Variants in C8orf34 observed in about 807,000 individuals in gnomAD.
C8orf34 encodes the protein uncharacterized protein C8orf34.
A neutral mutation model predicts 68.3 loss-of-function variants in C8orf34; 65 were observed. The observed-to-expected ratio is 0.95, with a 90% CI of 0.78 to 1.17. The LOEUF (loss-of-function observed/expected upper bound fraction) is 1.17, where lower values mean the gene tolerates loss of function less well. C8orf34 is among the 50% of genes most tolerant of loss of function. The probability of loss-of-function intolerance (pLI) is 0.00; values close to 1 mark genes in which losing one functional copy is unlikely to be tolerated. For missense variants in C8orf34, 664 were observed against 655.4 expected (o/e 1.01, Z -0.14); for synonymous variants, 244 against 241.2 (o/e 1.01, Z -0.11).
chr8:68,783,719 C>T (rs1423525389), intron 11 of C8orf34, among the ~76,000 whole-genome samples: 1 of 151,980 alleles, frequency 6.6e-6, no homozygotes, highest in African/African-American at 2.4e-5. Flanking sequence ...ATTGATGTCT[C>T]ATGTCTCCCT....
In C8orf34 at chr8:68,756,365, G is replaced by A. The variant is rs1022048540; in HGVS notation, c.1405-20034G>A. On this transcript the variant is annotated intron_variant, in intron 10 of 13. Coordinates refer to ENST00000518698, the MANE Select transcript of C8orf34 (RefSeq NM_052958.4). ...CTATTTTGAAAAGTGTAACTCTACT[G>A]AACTTCTGGCCTATGATTCTAGAAA... Among the ~76,000 whole-genome samples the A allele has an allele frequency of 7.2e-5, 11 of 152,114 alleles. No homozygotes were observed. The East Asian group carries it at 1.9e-3, about 27-fold the overall frequency.
chr8:68,757,432 C>T (rs2129527854), intron 10 of C8orf34, among the ~76,000 whole-genome samples: 1 of 152,186 alleles, frequency 6.6e-6, no homozygotes, highest in African/African-American at 2.4e-5. Flanking sequence ...GAGTTCAAGA[C>T]CAGCCAGGCC....
At chr8:68,814,336 T>G (rs942973785) in intron 12 of C8orf34, among the ~76,000 whole-genome samples, 29 of 152,152 alleles carry the variant, frequency 1.9e-4, no homozygotes, top group African/African-American at 7.0e-4. Context: ...ACTCTAAAAT[T>G]TAAGAACTAC....
At chr8:68,383,518 G>C (rs552838197) in intron 1 of C8orf34, among the ~76,000 whole-genome samples, 22 of 152,282 alleles carry the variant, frequency 1.4e-4, no homozygotes, top group African/African-American at 5.3e-4. Context: ...CAAGGTCCCT[G>C]CTGGGAGAAA....
intron 10 of C8orf34, among the ~76,000 whole-genome samples, chr8:68,753,093 G>A (rs1822753935): frequency 6.6e-6 from 1 of 152,036 alleles, no homozygotes. Context: ...TTTTGTCCTT[G>A]AAGGAAAGCT....
chr8:68,416,338 T>G (rs920259409), intron 1 of C8orf34, among the ~76,000 whole-genome samples: 2 of 152,194 alleles, frequency 1.3e-5, no homozygotes, highest in Non-Finnish European at 2.9e-5. Flanking sequence ...CATATTATTT[T>G]ATGTATTCTC....
intron 1 of C8orf34, among the ~76,000 whole-genome samples, chr8:68,367,753 G>A (rs1317321359): frequency 8.0e-6 from 1 of 125,100 alleles, no homozygotes; most frequent in African/African-American, 3.0e-5. Context: ...CTGTGGTGGG[G>A]TGGGGGGAGG....
At chr8:68,590,060 CAAG>C (rs1281923827) in intron 7 of C8orf34, among the ~76,000 whole-genome samples, 4 of 120,048 alleles carry the variant, frequency 3.3e-5, no homozygotes, top group African/African-American at 6.4e-5. Context: ...AGGGAGAAAA[CAAG>C]AAAAGAAAGA....
At chr8:68,455,439 T>C (rs1359055943) in intron 3 of C8orf34, among the ~76,000 whole-genome samples, 1 of 152,188 alleles carries the variant, frequency 6.6e-6, no homozygotes, top group African/African-American at 2.4e-5. Context: ...TATATGTTTA[T>C]AATTATTATA....
chr8:68,642,286 G>A (rs573385730), intron 8 of C8orf34, among the ~76,000 whole-genome samples: 1 of 152,260 alleles, frequency 6.6e-6, no homozygotes, highest in African/African-American at 2.4e-5. Flanking sequence ...GGAGAATAAG[G>A]CATTGTTGTA....
chr8:68,666,859 G>T (rs1819858185), intron 8 of C8orf34, among the ~76,000 whole-genome samples: 1 of 152,064 alleles, frequency 6.6e-6, no homozygotes, highest in Admixed American at 6.6e-5. Flanking sequence ...GCTTAAATTT[G>T]ATCAGCAAAG....
intron 1 of C8orf34, among the ~76,000 whole-genome samples, chr8:68,360,038 C>T (rs1806918107): frequency 6.6e-6 from 1 of 152,122 alleles, no homozygotes; most frequent in Non-Finnish European, 1.5e-5. Context: ...CAAAAAGGAA[C>T]CAAAATAACA....
chr8:68,545,301 A>G (rs903351957), intron 7 of C8orf34, among the ~76,000 whole-genome samples: 1 of 152,064 alleles, frequency 6.6e-6, no homozygotes, highest in African/African-American at 2.4e-5. Context: ...TAAGACATGT[A>G]TTTTGCCTTC....
At chr8:68,542,793 C>T (rs943712351) in intron 7 of C8orf34, among the ~76,000 whole-genome samples, 4 of 152,084 alleles carry the variant, frequency 2.6e-5, no homozygotes, top group Non-Finnish European at 5.9e-5. Context: ...CCACCAAAAT[C>T]ACAAAAGCAT....
chr8:68,533,340 T>C (rs774453266), intron 7 of C8orf34, 191 bp downstream of exon 7: 11 of 1,338,996 alleles, frequency 8.2e-6, no homozygotes, highest in Non-Finnish European at 1.0e-5. Context: ...CCTAAGCATA[T>C]GAATATTTAT....
chr8:68,590,918 C>T (rs143175676), intron 7 of C8orf34, among the ~76,000 whole-genome samples: 208 of 152,198 alleles, frequency 1.4e-3, no homozygotes, highest in African/African-American at 3.4e-3. Context: ...GATGCTATAT[C>T]GTGGGGGAGC....
chr8:68,688,133 G>A (rs34011943), intron 8 of C8orf34, among the ~76,000 whole-genome samples: 1 of 151,826 alleles, frequency 6.6e-6, no homozygotes, highest in Admixed American at 6.6e-5. Flanking sequence ...AACAATAGAT[G>A]TTGGCATGGA....
chr8:68,595,114 A>T (rs1817505332), intron 7 of C8orf34, among the ~76,000 whole-genome samples: 1 of 137,416 alleles, frequency 7.3e-6, no homozygotes, highest in Admixed American at 7.5e-5. Context: ...TTACAGTTAA[A>T]AATGGTAAAA....
At chr8:68,548,811 T>G (rs1387909993) in intron 7 of C8orf34, among the ~76,000 whole-genome samples, 1 of 151,842 alleles carries the variant, frequency 6.6e-6, no homozygotes. Context: ...TTGTTGTATA[T>G]TCATACAATA....
Sources: gnomAD v4.1 joint callset for allele counts (sites outside exome capture counted in the v4.1 genomes callset) on GRCh38, gnomAD v4.1.1 for gene constraint, MANE v1.5 for transcripts, NCBI Gene and HGNC (gene_info 2026-07-23, HGNC 2026-07-21) for gene names.